Variants in CMIP observed in about 807,000 individuals in gnomAD.
CMIP encodes the protein c-Maf inducing protein, also known as C-Maf-inducing protein.
Under a neutral mutation model 97.3 loss-of-function variants are expected in CMIP, and 13 were observed. The ratio of observed to expected loss-of-function variants is 0.13; its 90% CI spans 0.09 to 0.21. The LOEUF (loss-of-function observed/expected upper bound fraction) is 0.21. Among genes scored for constraint, CMIP ranks in the 10% least tolerant of loss-of-function variants. The pLI, the probability that CMIP is intolerant of heterozygous loss-of-function variation, is 1.00. For missense variants in CMIP, 847 were observed against 1,024.9 expected (o/e 0.83, Z 2.37); for synonymous variants, 538 against 436.3 (o/e 1.23, Z -2.91).
Position 81,645,345 on chromosome 16 carries a change from T to C in CMIP, c.478-6858T>C, listed in dbSNP as rs2092352159. The C allele has an allele frequency of 7.1e-6, 10 of 1,398,914 alleles. No individual in the cohort carries two copies. In the East Asian group the frequency reaches 2.7e-4, roughly 38 times the overall value. 86.7% of individuals were successfully genotyped at this position (1,398,914 alleles called of 1,614,324 possible). A position where few individuals can be genotyped will look rare whatever the true frequency, so the allele number is the denominator to read the frequency against. On this transcript the variant is annotated intron_variant, in intron 3 of 20. Transcript: ENST00000537098. ...TCTTCACGACAGGTGGTGGGGAGCA[T>C]GCGTGCTTGGGTGTGTACGCGCGCG...
At chr16:81,585,277 G>T (rs1729271464) in intron 1 of CMIP, among the ~76,000 whole-genome samples, 1 of 152,208 alleles carries the variant, frequency 6.6e-6, no homozygotes, top group African/African-American at 2.4e-5. Flanking sequence ...AGGAGTTGAG[G>T]TTGCAGTGAG....
chr16:81,524,642 C>T (rs1162397832), intron 1 of CMIP, among the ~76,000 whole-genome samples: 3 of 152,206 alleles, frequency 2.0e-5, no homozygotes, highest in Admixed American at 6.5e-5. Context: ...GTAACTTGCC[C>T]ACGGTGGCAC....
intron 1 of CMIP, among the ~76,000 whole-genome samples, chr16:81,557,332 TGTTG>T (rs139430158): frequency 7.4e-6 from 1 of 134,604 alleles, no homozygotes; most frequent in African/African-American, 3.2e-5. Context: ...AATTTACTGA[TGTTG>T]GTTGAATTTA....
At chr16:81,620,842 A>C in intron 2 of CMIP, 34 bp from the exon 3 acceptor site, 3 of 1,613,466 alleles carry the variant, frequency 1.9e-6, no homozygotes, top group Non-Finnish European at 1.7e-6. Flanking sequence ...CAAGCTGATG[A>C]CCGGACCTTG....
intron 3 of CMIP, among the ~76,000 whole-genome samples, chr16:81,629,993 A>G (rs1210103713): frequency 3.3e-5 from 5 of 152,306 alleles, no homozygotes; most frequent in East Asian, 3.9e-4. Flanking sequence ...GGCTCTCACC[A>G]CCTATTACCT....
At chr16:81,449,925 G>A (rs1906105757) in intron 1 of CMIP, among the ~76,000 whole-genome samples, 3 of 152,214 alleles carry the variant, frequency 2.0e-5, no homozygotes, top group Admixed American at 6.5e-5. Context: ...TTCCGGCCAC[G>A]GCAACATCAT....
chr16:81,699,450 T>TC (rs1407207608), intron 14 of CMIP, among the ~76,000 whole-genome samples: 1 of 152,206 alleles, frequency 6.6e-6, no homozygotes, highest in East Asian at 1.9e-4. Flanking sequence ...AACGTGACTT[T>TC]CGCGACTGGC....
At chr16:81,553,492 G>A (rs919604001) in intron 1 of CMIP, among the ~76,000 whole-genome samples, 1 of 145,296 alleles carries the variant, frequency 6.9e-6, no homozygotes, top group Non-Finnish European at 1.5e-5. Flanking sequence ...CTGATGAAGA[G>A]CATATATTCC....
intron 1 of CMIP, among the ~76,000 whole-genome samples, chr16:81,478,456 G>T (rs930961797): frequency 2.0e-5 from 3 of 152,190 alleles, no homozygotes; most frequent in Non-Finnish European, 4.4e-5. Context: ...AAGCAGGTGT[G>T]CAAGCAAAGG....
chr16:81,675,473 C>T (rs1597233367), intron 9 of CMIP, among the ~76,000 whole-genome samples: 1 of 151,862 alleles, frequency 6.6e-6, no homozygotes, highest in South Asian at 2.1e-4. Flanking sequence ...CCCCCCTTAG[C>T]CTCCAGAAGT....
chr16:81,583,759 T>G (rs1416036128), intron 1 of CMIP, among the ~76,000 whole-genome samples: 3 of 152,124 alleles, frequency 2.0e-5, no homozygotes, highest in African/African-American at 7.2e-5. Flanking sequence ...GACGAGAGCA[T>G]CTGAAAGCCT....
At chr16:81,490,578 C>G (rs914527815) in intron 1 of CMIP, among the ~76,000 whole-genome samples, 2 of 152,120 alleles carry the variant, frequency 1.3e-5, no homozygotes, top group Admixed American at 1.3e-4. Context: ...CGGGATTACG[C>G]CATCGCACTC....
chr16:81,662,360 C>A (rs978333419), intron 6 of CMIP, among the ~76,000 whole-genome samples: 1 of 152,202 alleles, frequency 6.6e-6, no homozygotes, highest in African/African-American at 2.4e-5. Flanking sequence ...GTGTTTCTTA[C>A]CTCAGCGTTC....
chr16:81,451,967 C>T (rs895742487), intron 1 of CMIP, among the ~76,000 whole-genome samples: 2 of 152,188 alleles, frequency 1.3e-5, no homozygotes, highest in African/African-American at 4.8e-5. Context: ...AAGGAAGCTT[C>T]GCTTACATCA....
At chr16:81,454,780 C>A (rs953872150) in intron 1 of CMIP, among the ~76,000 whole-genome samples, 5 of 152,138 alleles carry the variant, frequency 3.3e-5, no homozygotes, top group Non-Finnish European at 7.3e-5. Flanking sequence ...ATGTCTTGTC[C>A]TGTGTTTGGA....
At chr16:81,554,664 A>C (rs888857459) in intron 1 of CMIP, among the ~76,000 whole-genome samples, 1 of 152,198 alleles carries the variant, frequency 6.6e-6, no homozygotes, top group Non-Finnish European at 1.5e-5. Context: ...CACCGCTGTC[A>C]GCAGGTGCCT....
At chr16:81,705,468 G>A (rs927451873) in intron 18 of CMIP, 31 bp from the exon 19 acceptor site, 3 of 1,494,256 alleles carry the variant, frequency 2.0e-6, no homozygotes, top group Non-Finnish European at 2.8e-6. Flanking sequence ...GGAGTGGCCG[G>A]GAGAGGGCTG....
chr16:81,540,392 TC>T (rs1035414525), intron 1 of CMIP, among the ~76,000 whole-genome samples: 2 of 152,144 alleles, frequency 1.3e-5, no homozygotes, highest in Non-Finnish European at 2.9e-5. Flanking sequence ...AGCCTTGACC[TC>T]CCAGGCTCAA....
chr16:81,610,466 A>G (rs2091812740), intron 2 of CMIP: 1 of 986,076 alleles, frequency 1.0e-6, no homozygotes, highest in African/African-American at 1.7e-5. Flanking sequence ...AACTCCTCAG[A>G]TCCAGAGCCG....
Sources: gnomAD v4.1 joint callset for allele counts (sites outside exome capture counted in the v4.1 genomes callset) on GRCh38, gnomAD v4.1.1 for gene constraint, MANE v1.5 for transcripts, NCBI Gene and HGNC (gene_info 2026-07-23, HGNC 2026-07-21) for gene names.